GPC5: variants seen among roughly 807,000 people sequenced by gnomAD.
The protein encoded by GPC5 is glypican-5.
A neutral mutation model predicts 53.9 loss-of-function variants in GPC5; 47 were observed. The ratio of observed to expected loss-of-function variants is 0.87; its 90% CI spans 0.69 to 1.11. GPC5 has a LOEUF of 1.11. GPC5 is among the 50% of genes most tolerant of loss of function. The pLI is 0.00. For missense variants in GPC5, 748 were observed against 713.1 expected (o/e 1.05, Z -0.56); for synonymous variants, 286 against 263.3 (o/e 1.09, Z -0.84).
chr13:92,197,660 G>T (rs1204942450), intron 7 of GPC5, among the ~76,000 whole-genome samples: 1 of 81,596 alleles, frequency 1.2e-5, no homozygotes, highest in East Asian at 8.0e-4. Context: ...ATCACATCTG[G>T]CTAATTTTTT....
At chr13:92,380,061 G>A (rs538859414) in intron 7 of GPC5, among the ~76,000 whole-genome samples, 10 of 152,112 alleles carry the variant, frequency 6.6e-5, no homozygotes, top group Non-Finnish European at 1.2e-4. Flanking sequence ...TAATATTATC[G>A]TGCAGGCTGC....
intron 7 of GPC5, among the ~76,000 whole-genome samples, chr13:92,374,852 A>G (rs1243308480): frequency 2.1e-5 from 2 of 96,774 alleles, no homozygotes; most frequent in Admixed American, 1.0e-4. Context: ...TTAAAGTATA[A>G]TAAAAAAAAA....
At chr13:92,512,587 G>A (rs1483524736) in intron 7 of GPC5, among the ~76,000 whole-genome samples, 1 of 152,114 alleles carries the variant, frequency 6.6e-6, no homozygotes, top group East Asian at 1.9e-4. Context: ...CCCAGATGTT[G>A]ATCTGTTACT....
At chr13:92,612,744 T>G (rs1338367302) in intron 7 of GPC5, among the ~76,000 whole-genome samples, 1 of 152,076 alleles carries the variant, frequency 6.6e-6, no homozygotes, top group African/African-American at 2.4e-5. Context: ...AAAACAATAT[T>G]GCCTGTTCTG....
At chr13:92,830,611 C>A (rs1489065560) in intron 7 of GPC5, among the ~76,000 whole-genome samples, 1 of 151,928 alleles carries the variant, frequency 6.6e-6, no homozygotes, top group African/African-American at 2.4e-5. Context: ...ATACTTAAAG[C>A]ATGGGATTTT....
At chr13:91,728,801 T>C (rs758402288) in intron 4 of GPC5, 136 bp downstream of exon 4, 427 of 916,080 alleles carry the variant, frequency 4.7e-4, no homozygotes, top group Non-Finnish European at 6.3e-4. Flanking sequence ...TCATTAACTT[T>C]AAAAATCAGT....
At chr13:92,605,817 C>T (rs529265503) in intron 7 of GPC5, among the ~76,000 whole-genome samples, 18 of 151,044 alleles carry the variant, frequency 1.2e-4, no homozygotes, top group Admixed American at 2.7e-4. Context: ...AAAAGTTTGC[C>T]TGGATTTTTT....
At chr13:92,627,841 C>T (rs149508909) in intron 7 of GPC5, among the ~76,000 whole-genome samples, 80 of 152,290 alleles carry the variant, frequency 5.3e-4, no homozygotes, top group African/African-American at 1.8e-3. Flanking sequence ...TATATTTCCC[C>T]TCCTACAGCC....
intron 7 of GPC5, among the ~76,000 whole-genome samples, chr13:92,264,218 A>G (rs1417385746): frequency 1.3e-5 from 2 of 152,112 alleles, no homozygotes; most frequent in Non-Finnish European, 2.9e-5. Context: ...TAGAGAGTAA[A>G]TATACTAATA....
At chr13:92,309,581 A>G (rs542014699) in intron 7 of GPC5, among the ~76,000 whole-genome samples, 6 of 152,092 alleles carry the variant, frequency 3.9e-5, no homozygotes, top group South Asian at 2.1e-4. Context: ...ATATTTAATG[A>G]CATTTTTATT....
At chr13:92,168,266 A>T (rs747449151) in intron 7 of GPC5, among the ~76,000 whole-genome samples, 31 of 152,236 alleles carry the variant, frequency 2.0e-4, no homozygotes, top group Middle Eastern at 6.3e-3. Context: ...ACCTTTCAGG[A>T]CATAGGCACT....
chr13:92,759,490 T>C (rs1053366333), intron 7 of GPC5, among the ~76,000 whole-genome samples: 1 of 152,074 alleles, frequency 6.6e-6, no homozygotes, highest in Non-Finnish European at 1.5e-5. Flanking sequence ...ATAAATGAGA[T>C]TGTTTTCTTG....
chr13:91,831,483 C>G (rs1317340210), intron 5 of GPC5, among the ~76,000 whole-genome samples: 2 of 152,048 alleles, frequency 1.3e-5, no homozygotes, highest in East Asian at 1.9e-4. Context: ...AGTTGACACT[C>G]AGTATTAACC....
rs552840985 is a variant in GPC5, at chr13:91,965,662, A to G, written c.1401+57605A>G. On this transcript the variant is annotated intron_variant, in intron 6 of 7. Coordinates refer to ENST00000377067, the MANE Select transcript of GPC5 (RefSeq NM_004466.6). ...AATTCATTTAGGCCTGTCATATCCT[A>G]CAAAGGAAAATCAGCAACCAGAAAG... Among the ~76,000 whole-genome samples the G allele has an allele frequency of 2.0e-5, 3 of 152,276 alleles. No homozygotes were observed. In the East Asian group the frequency reaches 5.8e-4, roughly 30 times the overall value.
chr13:91,712,376 G>A (rs958248404), intron 3 of GPC5, among the ~76,000 whole-genome samples: 5 of 151,514 alleles, frequency 3.3e-5, no homozygotes, highest in African/African-American at 1.2e-4. Flanking sequence ...GTATATATAT[G>A]TGTGTATATA....
At chr13:91,486,355 T>G (rs1422391752) in intron 2 of GPC5, 1 of 152,242 alleles carries the variant, frequency 6.6e-6, no homozygotes, top group Non-Finnish European at 1.5e-5. Context: ...GCTTCTTAAC[T>G]AGACATTGGC....
chr13:92,781,571 A>G (rs904938166), intron 7 of GPC5, among the ~76,000 whole-genome samples: 1 of 152,182 alleles, frequency 6.6e-6, no homozygotes, highest in African/African-American at 2.4e-5. Flanking sequence ...ATAAACAGGA[A>G]AGATACCAAC....
chr13:91,416,167 AG>A (rs1452488496), intron 1 of GPC5, among the ~76,000 whole-genome samples: 1 of 152,174 alleles, frequency 6.6e-6, no homozygotes, highest in Non-Finnish European at 1.5e-5. Flanking sequence ...TGTACAGTAT[AG>A]GGCTGCCCAT....
chr13:91,748,917 G>A (rs1211936497), intron 4 of GPC5, among the ~76,000 whole-genome samples: 3 of 152,126 alleles, frequency 2.0e-5, no homozygotes, highest in Non-Finnish European at 4.4e-5. Context: ...TGCGTGTATA[G>A]GTGTGTGGGC....
Sources: allele counts gnomAD v4.1 joint callset (sites outside exome capture counted in the v4.1 genomes callset), GRCh38; gene constraint gnomAD v4.1.1; transcripts MANE v1.5; gene names NCBI Gene and HGNC (gene_info 2026-07-23, HGNC 2026-07-21).